PKHD1: variants seen among roughly 807,000 people sequenced by gnomAD.
PKHD1 encodes PKHD1 ciliary IPT domain containing fibrocystin/polyductin.
A neutral mutation model predicts 412.0 loss-of-function variants in PKHD1; 291 were observed. The ratio of observed to expected loss-of-function variants is 0.71; its 90% CI spans 0.64 to 0.78. The LOEUF (loss-of-function observed/expected upper bound fraction) is 0.78, where lower values mean the gene tolerates loss of function less well. Among genes scored for constraint, PKHD1 ranks in the 30% least tolerant of loss-of-function variants. PKHD1 has a pLI of 0.00. For synonymous variants in PKHD1, 1,777 were observed against 1,821.5 expected (o/e 0.98, Z 0.62); for missense variants, 4,825 against 4,950.7 (o/e 0.97, Z 0.76).
intron 35 of PKHD1, among the ~76,000 whole-genome samples, chr6:51,978,186 G>C (rs1294581372): frequency 1.3e-5 from 2 of 152,158 alleles, no homozygotes; most frequent in African/African-American, 4.8e-5. Context: ...GAGAGAAACA[G>C]CCATTCCCCA....
intron 60 of PKHD1, among the ~76,000 whole-genome samples, chr6:51,683,412 G>T (rs186397322): frequency 6.6e-6 from 1 of 151,926 alleles, no homozygotes; most frequent in African/African-American, 2.4e-5. Context: ...GGAACTATAA[G>T]AACAAATACC....
At chr6:51,899,402 C>T (rs1331558494) in intron 43 of PKHD1, among the ~76,000 whole-genome samples, 1 of 152,130 alleles carries the variant, frequency 6.6e-6, no homozygotes, top group East Asian at 1.9e-4. Context: ...ATAAACAGAG[C>T]CAAAGACAAA....
intron 34 of PKHD1, among the ~76,000 whole-genome samples, chr6:52,012,304 G>A (rs374261831): frequency 1.1e-4 from 16 of 152,296 alleles, no homozygotes; most frequent in African/African-American, 1.9e-4. Flanking sequence ...GGCAGCTCGC[G>A]TTATAGCTGT....
rs1245776560 is a variant in PKHD1 at position 52,076,350 on chromosome 6, A to G, written c.391-17T>C. 4 of 1,594,358 alleles carry G rather than the reference A, an allele frequency of 2.5e-6. No individual in the cohort carries two copies. The highest frequency in any genetic ancestry group is 3.4e-6 in the Non-Finnish European group (4 of 1,162,176). ...CTTGGAAAACTGTTTAGAAAATAGT[A>G]CCACAAGTGAGCATGTCATTAAAAT... On this transcript the variant is annotated splice_polypyrimidine_tract_variant and intron_variant, in intron 5 of 66. Coordinates refer to ENST00000371117, the MANE Select transcript of PKHD1 (RefSeq NM_138694.4).
At chr6:51,864,797 T>G (rs1367704660) in intron 48 of PKHD1, among the ~76,000 whole-genome samples, 1 of 152,174 alleles carries the variant, frequency 6.6e-6, no homozygotes, top group Non-Finnish European at 1.5e-5. Context: ...CATTCTTTTT[T>G]TCATATTAAG....
At position 51,838,588 on chromosome 6, in the gene PKHD1, T is replaced by C. The variant is rs1769646489; in HGVS notation, c.8108-2119A>G. Among the ~76,000 whole-genome samples the C allele has an allele frequency of 3.9e-5, 6 of 152,168 alleles. No homozygotes were observed. In the South Asian group the frequency reaches 1.0e-3, roughly 26 times the overall value. ...AGGATCAGAACAGATACAGAAAAGT[T>C]AACAAAAGCAGGAAAAATTAGAAGT... On this transcript the variant is annotated intron_variant, in intron 50 of 66. Transcript: ENST00000371117.
intron 1 of PKHD1, among the ~76,000 whole-genome samples, chr6:52,085,904 G>A (rs1015531977): frequency 6.6e-6 from 1 of 151,910 alleles, no homozygotes; most frequent in Non-Finnish European, 1.5e-5. Context: ...ATGGCAGAGG[G>A]CATCGACAAA....
At chr6:51,647,351 C>T (rs1395315772) in intron 63 of PKHD1, among the ~76,000 whole-genome samples, 1 of 152,104 alleles carries the variant, frequency 6.6e-6, no homozygotes, top group African/African-American at 2.4e-5. Flanking sequence ...CCCTAAAATG[C>T]ACATTATTGG....
chr6:51,704,358 G>T (rs1173285721), intron 60 of PKHD1, among the ~76,000 whole-genome samples: 5 of 151,996 alleles, frequency 3.3e-5, no homozygotes, highest in Non-Finnish European at 1.5e-5. Context: ...TTATACCAAT[G>T]AACTGAGATT....
Position 51,836,421 on chromosome 6 carries a change from A to G in PKHD1, c.8156T>C (p.Met2719Thr), listed in dbSNP as rs368696503. Reference sequence around the variant, plus strand: ...ATACTCACCTGAAATAGTTGGGGGCATACCTTCCTTCACCCGGAGAATGAC... The same window carrying G: ...ATACTCACCTGAAATAGTTGGGGGCGTACCTTCCTTCACCCGGAGAATGAC... The part of the protein sequence containing the change: ...VQVILRVKEG[M>T]PPTISASTSA... The change falls in exon 51 of 67, where the codon ATG becomes ACG. Residue 2719 changes from methionine (M) to threonine (T), a missense_variant. Met to Thr is a moderately conservative substitution (Grantham distance 81). Coordinates refer to ENST00000371117, the MANE Select transcript of PKHD1 (RefSeq NM_138694.4). 6.2e-6 allele frequency: 10 copies of G among 1,612,200 alleles called. No homozygotes were observed. The highest frequency in any genetic ancestry group is 1.3e-5 in the African/African-American group (1 of 74,884).
At position 51,988,818 on chromosome 6, in the gene PKHD1, C is replaced by T. The variant is rs187658940; in HGVS notation, c.5751+21491G>A. ...ACCTTGGCGTTGTTAGGGACTAGGA[C>T]CCAAGTCTTCCAGCATCAAGACTCA... On this transcript the variant is annotated intron_variant, in intron 35 of 66. Transcript: ENST00000371117. 2.6e-5 allele frequency among the ~76,000 whole-genome samples: 4 copies of T among 152,270 alleles called. No individual in the cohort carries two copies. The East Asian group carries it at 5.8e-4, about 22-fold the overall frequency.
At chr6:51,745,181 T>A (rs1021413108) in intron 59 of PKHD1, among the ~76,000 whole-genome samples, 6 of 152,300 alleles carry the variant, frequency 3.9e-5, no homozygotes, top group African/African-American at 1.4e-4. Flanking sequence ...ATGTATTGAG[T>A]ATTATCAGCA....
intron 23 of PKHD1, among the ~76,000 whole-genome samples, 200 bp from the exon 24 acceptor site, chr6:52,046,388 C>T (rs1805845787): frequency 6.6e-6 from 1 of 152,174 alleles, no homozygotes; most frequent in African/African-American, 2.4e-5. Flanking sequence ...TAGATGCCCA[C>T]TTTTTATATT....
At chr6:51,626,922 G>A in intron 66 of PKHD1, 75 bp downstream of exon 66, 1 of 1,508,628 alleles carries the variant, frequency 6.6e-7, no homozygotes, top group South Asian at 1.1e-5. Context: ...CAGAGACAGA[G>A]CTGAAGGAGA....
At chr6:51,852,522 T>C (rs1390605102) in intron 49 of PKHD1, among the ~76,000 whole-genome samples, 3 of 152,174 alleles carry the variant, frequency 2.0e-5, no homozygotes, top group African/African-American at 7.2e-5. Flanking sequence ...CCCACTATTA[T>C]TGTGTGGGAG....
At chr6:52,015,648 C>G (rs991916293) in intron 34 of PKHD1, among the ~76,000 whole-genome samples, 8 of 151,954 alleles carry the variant, frequency 5.3e-5, no homozygotes, top group African/African-American at 1.9e-4. Context: ...CACAGTGAAA[C>G]CCCATCTCTA....
Position 51,940,702 on chromosome 6 carries a change from G to A in PKHD1, c.5909-6380C>T, listed in dbSNP as rs571930287. On this transcript the variant is annotated intron_variant, in intron 36 of 66. Coordinates refer to ENST00000371117, the MANE Select transcript of PKHD1 (RefSeq NM_138694.4). ...GGAAGCCTACAGGACCATCGCAGAC[G>A]CTCTGGGTAACTCTCACAGTGGAAG... Among the ~76,000 whole-genome samples, 59 of 151,692 alleles carry A rather than the reference G, an allele frequency of 3.9e-4. 3 individuals carry two copies. The highest frequency in any genetic ancestry group is 5.0e-4 in the Non-Finnish European group (34 of 67,768).
rs1164973591 is a variant in PKHD1 at position 51,748,363 on chromosome 6, G to A, written c.9253C>T (p.Gln3085Ter). The A allele has an allele frequency of 6.2e-7, 1 of 1,613,898 alleles. No homozygotes were observed. The highest frequency in any genetic ancestry group is 1.3e-5 in the African/African-American group (1 of 74,918). ...TIWVAGIKVN[Q>*]VKDINLHGNV... ...CCATGGAGGTTGATGTCCTTTACCT[G>A]GTTCACTTTGATTCCCGCCACCCAA... The change falls in exon 58 of 67, where the codon CAG (glutamine) becomes TAG (stop). Residue 3085 changes from glutamine to a stop codon, truncating the protein, a stop_gained. Coordinates refer to ENST00000371117, the MANE Select transcript of PKHD1 (RefSeq NM_138694.4). LOFTEE classifies it high-confidence loss of function.
intron 60 of PKHD1, among the ~76,000 whole-genome samples, chr6:51,671,781 C>T (rs1199700702): frequency 1.3e-5 from 2 of 152,262 alleles, no homozygotes; most frequent in African/African-American, 4.8e-5. Flanking sequence ...GGACCCTCAG[C>T]TGCAGGTCTG....
Sources: allele counts gnomAD v4.1 joint callset (sites outside exome capture counted in the v4.1 genomes callset), GRCh38; gene constraint gnomAD v4.1.1; transcripts MANE v1.5; gene names NCBI Gene and HGNC (gene_info 2026-07-23, HGNC 2026-07-21).